The following STK39 variants were observed in gnomAD, a reference collection of about 807,000 sequenced individuals.
The protein encoded by STK39 is STE20/SPS1-related proline-alanine-rich protein kinase.
In STK39, 20 loss-of-function variants were observed where a neutral mutation model predicts 77.8. The observed-to-expected ratio is 0.26, with a 90% CI of 0.18 to 0.37. The LOEUF (loss-of-function observed/expected upper bound fraction) is 0.37. Ranked by LOEUF, STK39 falls within the 10% of genes least tolerant of loss-of-function variation. The pLI is 1.00. For synonymous variants in STK39, 246 were observed against 234.1 expected, an observed-to-expected ratio of 1.05 and a Z score of -0.47; for missense variants, 479 against 656.5, an observed-to-expected ratio of 0.73 and a Z score of 2.95.
At chr2:168,015,061 T>C (rs910142334) in intron 15 of STK39, among the ~76,000 whole-genome samples, 5 of 152,232 alleles carry the variant, frequency 3.3e-5, no homozygotes, top group Non-Finnish European at 7.3e-5. Flanking sequence ...TTATTTTGTA[T>C]GCATGTAAGT....
intron 10 of STK39, among the ~76,000 whole-genome samples, chr2:168,077,897 A>G (rs1378074562): frequency 1.6e-5 from 2 of 128,186 alleles, no homozygotes; most frequent in Admixed American, 7.4e-5. Flanking sequence ...TGCAAAGTTA[A>G]AACTTCAAAA....
chr2:168,097,700 T>C (rs1232941179), intron 10 of STK39, among the ~76,000 whole-genome samples: 1 of 151,696 alleles, frequency 6.6e-6, no homozygotes, highest in Non-Finnish European at 1.5e-5. Context: ...TGCCACTGCA[T>C]TCCAGCCTGC....
chr2:167,974,362 A>C (rs1470268525), intron 16 of STK39, among the ~76,000 whole-genome samples: 1 of 152,144 alleles, frequency 6.6e-6, no homozygotes, highest in African/African-American at 2.4e-5. Flanking sequence ...TTTGAGCTTC[A>C]AAACGGTCTT....
chr2:168,028,868 T>C (rs529570145), intron 14 of STK39, among the ~76,000 whole-genome samples: 1 of 152,198 alleles, frequency 6.6e-6, no homozygotes, highest in African/African-American at 2.4e-5. Flanking sequence ...ATGAACCTAA[T>C]ATGTGTCCAT....
intron 14 of STK39, among the ~76,000 whole-genome samples, chr2:168,027,639 T>C (rs921827201): frequency 1.3e-5 from 2 of 152,184 alleles, no homozygotes; most frequent in African/African-American, 4.8e-5. Flanking sequence ...AGCACACACA[T>C]ACACAAATAC....
In STK39 at chr2:168,222,047, G is replaced by T. The variant is rs546926627; in HGVS notation, c.208+25181C>A. Among the ~76,000 whole-genome samples the T allele has an allele frequency of 4.3e-4, 66 of 152,254 alleles. 1 individual carries two copies. Among genetic ancestry groups the T allele is most frequent in the African/African-American group, 1.3e-3 (56 of 41,522 alleles). ...TGAACTACCAGCCAGGAGATGACAG[G>T]CATGTTTATAGAGTAGTGTATTTGC... On this transcript the variant is annotated intron_variant, in intron 1 of 17. Coordinates refer to ENST00000355999, the MANE Select transcript of STK39 (RefSeq NM_013233.3).
chr2:167,997,982 A>G (rs935222633), intron 16 of STK39, among the ~76,000 whole-genome samples: 1 of 152,236 alleles, frequency 6.6e-6, no homozygotes, highest in Non-Finnish European at 1.5e-5. Flanking sequence ...AATGGAGGCT[A>G]TACAGTGCTG....
chr2:168,106,589 G>C (rs1297751959), intron 10 of STK39, among the ~76,000 whole-genome samples: 1 of 152,172 alleles, frequency 6.6e-6, no homozygotes, highest in Admixed American at 6.5e-5. Flanking sequence ...GGAGGCCAAG[G>C]CAGGAGGATC....
intron 1 of STK39, among the ~76,000 whole-genome samples, chr2:168,201,635 C>T (rs1259947379): frequency 2.0e-5 from 3 of 152,126 alleles, no homozygotes; most frequent in Non-Finnish European, 4.4e-5. Flanking sequence ...AGAAGGAATG[C>T]GGCCATTTTT....
intron 14 of STK39, among the ~76,000 whole-genome samples, chr2:168,032,769 G>A (rs760713588): frequency 1.3e-5 from 2 of 152,214 alleles, no homozygotes; most frequent in Non-Finnish European, 2.9e-5. Flanking sequence ...CGACTGGAGA[G>A]AGGAAAGAAG....
intron 5 of STK39, among the ~76,000 whole-genome samples, chr2:168,155,383 C>G (rs910813335): frequency 6.6e-6 from 1 of 152,052 alleles, no homozygotes; most frequent in South Asian, 2.1e-4. Context: ...CAAATGTTAC[C>G]ATTTGTCGAG....
At chr2:168,186,168 AGCT>A (rs1421451416) in intron 1 of STK39, among the ~76,000 whole-genome samples, 6 of 152,132 alleles carry the variant, frequency 3.9e-5, no homozygotes, top group African/African-American at 1.4e-4. Flanking sequence ...GACAATAGAG[AGCT>A]TACTTTCCCT....
In STK39 at chr2:168,204,505, C is replaced by T. The variant is rs114308121; in HGVS notation, c.209-22415G>A. Among the ~76,000 whole-genome samples the T allele has an allele frequency of 4.3e-3, 661 of 152,328 alleles. 5 individuals are homozygous for T. Among genetic ancestry groups the T allele is most frequent in the African/African-American group, 0.015 (635 of 41,564 alleles). On this transcript the variant is annotated intron_variant, in intron 1 of 17. Coordinates refer to ENST00000355999, the MANE Select transcript of STK39 (RefSeq NM_013233.3). ...CAACCCCTGCCCAGGGAAGGCAAGA[C>T]CTGGATCCACAGGACATTTAGGACT...
chr2:168,115,774 G>A (rs1430128123), intron 10 of STK39, among the ~76,000 whole-genome samples: 1 of 152,170 alleles, frequency 6.6e-6, no homozygotes, highest in African/African-American at 2.4e-5. Context: ...GTCTGCTCAG[G>A]ATGAGAAGAG....
intron 14 of STK39, among the ~76,000 whole-genome samples, chr2:168,018,601 A>AGAAAGAAAGAAAGAAG (rs1684493070): frequency 6.6e-6 from 1 of 150,812 alleles, no homozygotes; most frequent in South Asian, 2.1e-4. Flanking sequence ...AAAGAAAGAA[A>AGAAAGAAAGAAAGAAG]TTGCAGTAGG....
chr2:167,973,262 G>A (rs1180556674), intron 16 of STK39, among the ~76,000 whole-genome samples: 1 of 152,114 alleles, frequency 6.6e-6, no homozygotes, highest in Non-Finnish European at 1.5e-5. Flanking sequence ...ACTAAATTAG[G>A]CAGGTCAGAT....
At chr2:167,989,460 T>C (rs1175909207) in intron 16 of STK39, among the ~76,000 whole-genome samples, 1 of 152,148 alleles carries the variant, frequency 6.6e-6, no homozygotes, top group Non-Finnish European at 1.5e-5. Flanking sequence ...ATTTCATTTG[T>C]ATGCAAGAAC....
At chr2:168,039,595 T>G in intron 14 of STK39, among the ~76,000 whole-genome samples, 1 of 10,656 alleles carries the variant, frequency 9.4e-5, no homozygotes, top group African/African-American at 3.0e-4. Flanking sequence ...CGAGACTCCG[T>G]CTCCAAAAAA....
At chr2:168,055,262 G>A (rs1363339218) in intron 14 of STK39, among the ~76,000 whole-genome samples, 1 of 152,168 alleles carries the variant, frequency 6.6e-6, no homozygotes, top group African/African-American at 2.4e-5. Flanking sequence ...CCTGAATAAT[G>A]ATGGAATTAG....
Sources: gnomAD v4.1 joint callset for allele counts (sites outside exome capture counted in the v4.1 genomes callset) on GRCh38, gnomAD v4.1.1 for gene constraint, MANE v1.5 for transcripts, NCBI Gene and HGNC (gene_info 2026-07-23, HGNC 2026-07-21) for gene names.